Variants in NFIC observed in about 807,000 individuals in gnomAD.
NFIC encodes the protein nuclear factor 1 C-type.
NFIC carries 12 observed loss-of-function variants against 54.4 expected under a neutral mutation model. The ratio of observed to expected loss-of-function variants is 0.22; its 90% CI spans 0.14 to 0.36. The LOEUF (loss-of-function observed/expected upper bound fraction) is 0.36. Ranked by LOEUF, NFIC falls within the 10% of genes least tolerant of loss-of-function variation. NFIC has a pLI of 1.00. For missense variants in NFIC, 575 were observed against 718.2 expected (o/e 0.80, Z 2.28); for synonymous variants, 322 against 319.2 (o/e 1.01, Z -0.09).
chr19:3,395,262 G>C (rs2081443733), intron 2 of NFIC, among the ~76,000 whole-genome samples: 1 of 152,062 alleles, frequency 6.6e-6, no homozygotes, highest in South Asian at 2.1e-4. Context: ...GGGAGGCTGA[G>C]GCAGGAGAAT....
intron 2 of NFIC, among the ~76,000 whole-genome samples, chr19:3,398,206 G>A (rs1203464426): frequency 2.0e-5 from 3 of 152,168 alleles, no homozygotes; most frequent in South Asian, 2.1e-4. Flanking sequence ...AGAATGAGGC[G>A]ATGGCTGTCT....
rs555737913 is a variant in NFIC, at chr19:3,439,889, C to T, written c.958+4682C>T. The stretch of plus-strand genomic sequence containing the variant: ...ATTTTTAGTAGAGACGGGGTTTCAC[C>T]GTGTTAGCCAGGATGGTCTCGATCT... On this transcript the variant is annotated intron_variant, in intron 6 of 10. Transcript: ENST00000443272. Among the ~76,000 whole-genome samples the T allele has an allele frequency of 2.5e-3, 376 of 151,036 alleles. 3 individuals carry two copies. Among genetic ancestry groups the T allele is most frequent in the African/African-American group, 8.2e-3 (337 of 41,244 alleles).
At chr19:3,367,486 C>T (rs1034309689) in intron 1 of NFIC, among the ~76,000 whole-genome samples, 3 of 152,126 alleles carry the variant, frequency 2.0e-5, no homozygotes, top group Admixed American at 6.5e-5. Flanking sequence ...CTCCCCCTCC[C>T]CCTCCCCCTC....
intron 6 of NFIC, among the ~76,000 whole-genome samples, chr19:3,444,588 C>T (rs1321538469): frequency 1.3e-5 from 2 of 152,188 alleles, no homozygotes; most frequent in Admixed American, 1.3e-4. Context: ...GAGCTGCGCT[C>T]CCCCCTCCTT....
intron 10 of NFIC, among the ~76,000 whole-genome samples, chr19:3,461,550 C>T (rs935432880): frequency 2.6e-5 from 4 of 151,504 alleles, no homozygotes; most frequent in Admixed American, 1.3e-4. Flanking sequence ...TGGCGAAACC[C>T]GGTCTCTACT....
rs1307279885 is a variant in NFIC at position 3,382,187 on chromosome 19, T to C, written c.506T>C (p.Ile169Thr). ...HPVLCVQPHHIGVAVKELDLY... is the reference protein window; with the variant it reads ...HPVLCVQPHHTGVAVKELDLY... ...GTCCTGTGCGTGCAGCCGCACCACA[T>C]TGGCGTGGCCGTCAAGGAGCTGGAC... The change falls in exon 2 of 11, where the codon ATT becomes ACT. Residue 169 changes from isoleucine (I) to threonine (T), a missense_variant. Around this residue, in one of 3 missense-constraint regions of NFIC, gnomAD observed 447 missense variants for 526.9 expected, o/e 0.85. Transcript: ENST00000443272. The C allele has an allele frequency of 4.3e-6, 7 of 1,611,106 alleles. No homozygotes were observed. Among genetic ancestry groups the C allele is most frequent in the South Asian group, 1.1e-5 (1 of 91,048 alleles).
rs534152490 is a variant in NFIC at position 3,375,765 on chromosome 19, C to T, written c.31-5947C>T. On this transcript the variant is annotated intron_variant, in intron 1 of 10. Coordinates refer to ENST00000443272, the MANE Select transcript of NFIC (RefSeq NM_001245002.2). The surrounding 1 kb of genome is among the most constrained non-coding windows in gnomAD (Gnocchi z 4.6). ...CCCCTCCCCCCGAAGCACCCCACGG[C>T]CGGAGGTGGCCCAAGGGGACGTGGA... 2.6e-5 allele frequency among the ~76,000 whole-genome samples: 4 copies of T among 152,168 alleles called. No homozygotes were observed. Among genetic ancestry groups the T allele is most frequent in the Non-Finnish European group, 5.9e-5 (4 of 68,026 alleles).
intron 2 of NFIC, among the ~76,000 whole-genome samples, chr19:3,413,465 G>C (rs1401873854): frequency 6.6e-6 from 1 of 152,120 alleles, no homozygotes; most frequent in African/African-American, 2.4e-5. Flanking sequence ...CTGGTGTTCT[G>C]TGAGTTTGAA....
intron 1 of NFIC, among the ~76,000 whole-genome samples, chr19:3,372,550 C>T (rs989277743): frequency 1.3e-5 from 2 of 152,170 alleles, no homozygotes; most frequent in Non-Finnish European, 2.9e-5. Context: ...GGGCAGGAAA[C>T]GAGGTGACCA....
At chr19:3,460,481 A>G (rs2082622746) in intron 10 of NFIC, among the ~76,000 whole-genome samples, 1 of 152,050 alleles carries the variant, frequency 6.6e-6, no homozygotes, top group East Asian at 1.9e-4. Context: ...CGGGGACATC[A>G]TTAAAGAGGA....
At chr19:3,395,151 G>A (rs1169728990) in intron 2 of NFIC, among the ~76,000 whole-genome samples, 1 of 152,130 alleles carries the variant, frequency 6.6e-6, no homozygotes, top group East Asian at 1.9e-4. Context: ...CCGAGGTCAG[G>A]AGTTCGAGAC....
intron 2 of NFIC, among the ~76,000 whole-genome samples, chr19:3,403,069 C>T (rs953260555): frequency 1.3e-5 from 2 of 152,202 alleles, no homozygotes; most frequent in African/African-American, 4.8e-5. Flanking sequence ...ATTCATGCAA[C>T]AAGTTCATAT....
rs1462080211 is a variant in NFIC at position 3,453,004 on chromosome 19, G to A, written c.1269+338G>A. Among the ~76,000 whole-genome samples, 1 of 152,230 alleles carries A rather than the reference G, an allele frequency of 6.6e-6. No homozygotes were observed. The highest frequency in any genetic ancestry group is 1.5e-5 in the Non-Finnish European group (1 of 68,044). Reference sequence around the variant, plus strand: ...TGATCCCAGCGCTTTCGGAGGCCAAGGCGGGAGGATTGCATAAGCCCAGAG... The same window carrying A: ...TGATCCCAGCGCTTTCGGAGGCCAAAGCGGGAGGATTGCATAAGCCCAGAG... On this transcript the variant is annotated intron_variant, in intron 8 of 10. Coordinates refer to ENST00000443272, the MANE Select transcript of NFIC (RefSeq NM_001245002.2). This position sits in a 1 kb window ranked among gnomAD's most constrained non-coding sequence, Gnocchi z 6.7.
At chr19:3,421,074 G>T (rs1403713891) in intron 2 of NFIC, among the ~76,000 whole-genome samples, 2 of 152,220 alleles carry the variant, frequency 1.3e-5, no homozygotes, top group South Asian at 2.1e-4. Context: ...CCAAGAGGGG[G>T]TGCTATAGTT....
intron 3 of NFIC, among the ~76,000 whole-genome samples, chr19:3,426,413 T>C (rs981039372): frequency 1.3e-5 from 2 of 152,020 alleles, no homozygotes; most frequent in Non-Finnish European, 2.9e-5. Flanking sequence ...TAGGACAGTG[T>C]AATTCTATGT....
rs1246023225 is a variant in NFIC, at chr19:3,370,588, CCTTT to C, written c.30+3925_30+3928del. On this transcript the variant is annotated intron_variant, in intron 1 of 10. Coordinates refer to ENST00000443272, the MANE Select transcript of NFIC (RefSeq NM_001245002.2). This position sits in a 1 kb window ranked among gnomAD's most constrained non-coding sequence, Gnocchi z 5.2. ...GTCTCCCTTTCCGTCTTTCCCTCTTCCTTTCTCTCTCTCTCCCCGTCTCCCTTCT... is the reference window on the plus strand; with the variant it reads ...GTCTCCCTTTCCGTCTTTCCCTCTTCCTCTCTCTCTCCCCGTCTCCCTTCT... 1.3e-5 allele frequency among the ~76,000 whole-genome samples: 2 copies of C among 150,074 alleles called. No individual in the cohort carries two copies. The highest frequency in any genetic ancestry group is 3.0e-5 in the Non-Finnish European group (2 of 67,276).
rs1210701416 is a variant in NFIC, at chr19:3,466,003, C to T, written c.*3234C>T. ...GTCCCCCATCCCCTGTCTCTGTCTT[C>T]CAGCTGTGAATATGAAGGGTATCCT... On this transcript the variant is annotated 3_prime_UTR_variant, in exon 11 of 11. Coordinates refer to ENST00000443272, the MANE Select transcript of NFIC (RefSeq NM_001245002.2). This position sits in a 1 kb window ranked among gnomAD's most constrained non-coding sequence, Gnocchi z 4.8. 1 of 152,284 alleles carries T rather than the reference C, an allele frequency of 6.6e-6. No homozygotes were observed. The allele number at this position is 152,284 out of a possible 1,614,324, so 9.4% of individuals were successfully genotyped here.
rs1481429411 is a variant in NFIC, at chr19:3,465,696, T to C, written c.*2927T>C. 2.0e-5 allele frequency: 3 copies of C among 152,236 alleles called. No individual in the cohort carries two copies. Among genetic ancestry groups the C allele is most frequent in the Non-Finnish European group, 4.4e-5 (3 of 68,078 alleles). The allele number at this position is 152,236 out of a possible 1,614,324, so 9.4% of individuals were successfully genotyped here. On this transcript the variant is annotated 3_prime_UTR_variant, in exon 11 of 11. Coordinates refer to ENST00000443272, the MANE Select transcript of NFIC (RefSeq NM_001245002.2). ...CCTGGGAAAGGGCTCTCCTCTCTGA[T>C]TGGTCCCTAGGCCACGGGCCGGCCC... is the stretch of plus-strand genomic sequence containing the variant.
At position 3,369,768 on chromosome 19, in the gene NFIC, G is replaced by T. The variant is rs976039521; in HGVS notation, c.30+3102G>T. On this transcript the variant is annotated intron_variant, in intron 1 of 10. Transcript: ENST00000443272. This position sits in a 1 kb window ranked among gnomAD's most constrained non-coding sequence, Gnocchi z 4.3. Reference sequence around the variant, plus strand: ...CCCTCCCTGCCTCCCTCCCGCTGGCGCCACCGCCACGTTAGTTATTCCGGG... The same window carrying T: ...CCCTCCCTGCCTCCCTCCCGCTGGCTCCACCGCCACGTTAGTTATTCCGGG... 6.6e-6 allele frequency among the ~76,000 whole-genome samples: 1 copy of T among 152,062 alleles called. No individual in the cohort carries two copies. The highest frequency in any genetic ancestry group is 1.5e-5 in the Non-Finnish European group (1 of 67,986).
Sources: allele counts gnomAD v4.1 joint callset (sites outside exome capture counted in the v4.1 genomes callset), GRCh38; gene constraint gnomAD v4.1.1; regional missense constraint gnomAD v4.1.1; non-coding constraint Gnocchi (gnomAD v3.1); transcripts MANE v1.5; gene names NCBI Gene and HGNC (gene_info 2026-07-23, HGNC 2026-07-21).